Variants in PHLPP1 observed in about 807,000 individuals in gnomAD.
PHLPP1 encodes the protein PH domain and leucine rich repeat protein phosphatase 1.
Under a neutral mutation model 117.2 loss-of-function variants are expected in PHLPP1, and 42 were observed. The observed-to-expected ratio is 0.36, with a 90% CI of 0.28 to 0.46. PHLPP1 has a LOEUF of 0.46. Among genes scored for constraint, PHLPP1 ranks in the 20% least tolerant of loss-of-function variants. The pLI is 1.00. For missense variants in PHLPP1, 2,084 were observed against 2,241.9 expected, an observed-to-expected ratio of 0.93 and a Z score of 1.42; for synonymous variants, 1,042 against 970.7, an observed-to-expected ratio of 1.07 and a Z score of -1.37.
At chr18:62,783,376 C>T (rs752423695) in intron 1 of PHLPP1, among the ~76,000 whole-genome samples, 3 of 151,888 alleles carry the variant, frequency 2.0e-5, no homozygotes, top group South Asian at 2.1e-4. Context: ...TACAGGTGCC[C>T]GCCACCATGT....
rs556538255 is a variant in PHLPP1 at position 62,938,376 on chromosome 18, G to T, written c.2961-3342G>T. Among the ~76,000 whole-genome samples, 28 of 152,248 alleles carry T rather than the reference G, an allele frequency of 1.8e-4. No homozygotes were observed. In the South Asian group the frequency reaches 5.8e-3, roughly 32 times the overall value. The stretch of plus-strand genomic sequence containing the variant: ...TTGTTAACCATCCTGGAGAAACTTT[G>T]CAAAACTAAAGTATTTGTTCGTTCT... On this transcript the variant is annotated intron_variant, in intron 10 of 16. Coordinates refer to ENST00000262719, the MANE Select transcript of PHLPP1 (RefSeq NM_194449.4).
intron 4 of PHLPP1, among the ~76,000 whole-genome samples, chr18:62,882,894 G>A (rs1220747949): frequency 6.8e-6 from 1 of 148,086 alleles, no homozygotes; most frequent in Non-Finnish European, 1.5e-5. Flanking sequence ...GGATAAGGTT[G>A]ATTTTATCTA....
chr18:62,804,567 G>A (rs967356475), intron 1 of PHLPP1, among the ~76,000 whole-genome samples: 12 of 152,016 alleles, frequency 7.9e-5, no homozygotes, highest in African/African-American at 2.4e-4. Context: ...AGGCAACAGA[G>A]TGAGAAAAAG....
chr18:62,964,815 GA>G (rs1467432834), intron 14 of PHLPP1, among the ~76,000 whole-genome samples: 2 of 152,108 alleles, frequency 1.3e-5, no homozygotes, highest in East Asian at 1.9e-4. Context: ...ACACTAATGT[GA>G]AATCTAAGAT....
chr18:62,942,458 C>T (rs569010076), intron 11 of PHLPP1, among the ~76,000 whole-genome samples: 1 of 152,206 alleles, frequency 6.6e-6, no homozygotes, highest in South Asian at 2.1e-4. Flanking sequence ...CATTATCTAC[C>T]AAACTTTATA....
chr18:62,834,469 A>G (rs560335278), intron 2 of PHLPP1, among the ~76,000 whole-genome samples: 1 of 152,310 alleles, frequency 6.6e-6, no homozygotes, highest in East Asian at 1.9e-4. Flanking sequence ...ATGAAGAACT[A>G]TTCAATCCAC....
chr18:62,974,691 A>G (rs1032939058), intron 15 of PHLPP1, among the ~76,000 whole-genome samples: 5 of 152,222 alleles, frequency 3.3e-5, no homozygotes, highest in African/African-American at 9.6e-5. Context: ...TTTGATTTTC[A>G]GAATTTGCAG....
chr18:62,809,529 T>C (rs1914051437), intron 1 of PHLPP1, among the ~76,000 whole-genome samples: 1 of 152,112 alleles, frequency 6.6e-6, no homozygotes, highest in Non-Finnish European at 1.5e-5. Context: ...TGAAACCTCA[T>C]CTCTACTAAA....
At chr18:62,838,757 T>A (rs1055675297) in intron 2 of PHLPP1, 27 bp from the exon 3 acceptor site, 1 of 1,603,118 alleles carries the variant, frequency 6.2e-7, no homozygotes, top group Non-Finnish European at 8.5e-7. Context: ...CTGACTTGTT[T>A]CTGCTTCTCT....
chr18:62,765,819 C>A (rs991608631), intron 1 of PHLPP1, among the ~76,000 whole-genome samples: 2 of 151,726 alleles, frequency 1.3e-5, no homozygotes, highest in African/African-American at 4.8e-5. Flanking sequence ...CATGGTGAAA[C>A]CCCGTCTGTA....
intron 4 of PHLPP1, among the ~76,000 whole-genome samples, chr18:62,880,163 G>GC (rs1323643322): frequency 3.3e-5 from 5 of 151,804 alleles, no homozygotes; most frequent in Admixed American, 1.3e-4. Flanking sequence ...TTCAACCCTA[G>GC]CATCAGACTT....
At chr18:62,962,715 A>G (rs1910804143) in intron 13 of PHLPP1, among the ~76,000 whole-genome samples, 1 of 152,200 alleles carries the variant, frequency 6.6e-6, no homozygotes, top group South Asian at 2.1e-4. Flanking sequence ...GAGGTAAGAA[A>G]TCTCCCAGTT....
intron 9 of PHLPP1, among the ~76,000 whole-genome samples, chr18:62,915,443 C>T (rs555442884): frequency 5.3e-5 from 8 of 152,256 alleles, no homozygotes; most frequent in Admixed American, 3.3e-4. Context: ...GTCATGAAAC[C>T]TAGAAAGAGC....
intron 4 of PHLPP1, among the ~76,000 whole-genome samples, chr18:62,887,278 C>T (rs1916308854): frequency 6.6e-6 from 1 of 152,012 alleles, no homozygotes; most frequent in South Asian, 2.1e-4. Context: ...TTCTCTGGGC[C>T]TGTTTTTTTT....
intron 3 of PHLPP1, among the ~76,000 whole-genome samples, chr18:62,852,144 T>C (rs1915370650): frequency 6.6e-6 from 1 of 151,990 alleles, no homozygotes; most frequent in Non-Finnish European, 1.5e-5. Flanking sequence ...CCTCCCAAAG[T>C]GTAGAAATTA....
intron 1 of PHLPP1, among the ~76,000 whole-genome samples, chr18:62,797,651 G>A (rs554119110): frequency 4.6e-5 from 7 of 152,244 alleles, no homozygotes; most frequent in East Asian, 1.9e-4. Context: ...TTTTCTTACC[G>A]TTCTTCAACT....
chr18:62,870,799 A>G (rs1915884446), intron 4 of PHLPP1, among the ~76,000 whole-genome samples: 1 of 152,236 alleles, frequency 6.6e-6, no homozygotes, highest in Non-Finnish European at 1.5e-5. Context: ...ATCTGGAAAG[A>G]TGGCATGCTG....
intron 1 of PHLPP1, among the ~76,000 whole-genome samples, chr18:62,724,630 C>T (rs1185904347): frequency 6.6e-6 from 1 of 152,142 alleles, no homozygotes; most frequent in African/African-American, 2.4e-5. Flanking sequence ...GTAATACTTA[C>T]TGTCTTTGGT....
rs1372823904 is a variant in PHLPP1, at chr18:62,716,504, C to T, written c.821C>T (p.Pro274Leu). ...PPEAGPRLAP[P>L]EPRDSEVPPA... is the part of the protein sequence containing the mutation. Reference sequence around the variant, plus strand: ...GAGGCCGGCCCCCGGCTGGCGCCCCCGGAGCCGCGGGACTCGGAGGTACCG... The same window carrying T: ...GAGGCCGGCCCCCGGCTGGCGCCCCTGGAGCCGCGGGACTCGGAGGTACCG... The change falls in exon 1 of 17, where the codon CCG (proline) becomes CTG (leucine). Residue 274 changes from proline (P) to leucine (L), a missense_variant. By Grantham distance (98) the Pro-to-Leu change is moderately conservative (BLOSUM62 -3). Coordinates refer to ENST00000262719, the MANE Select transcript of PHLPP1 (RefSeq NM_194449.4). This position sits in a 1 kb window ranked among gnomAD's most constrained non-coding sequence, Gnocchi z 5.7. The T allele has an allele frequency of 6.7e-6, 8 of 1,201,444 alleles. No individual in the cohort carries two copies. Among genetic ancestry groups the T allele is most frequent in the African/African-American group, 1.6e-5 (1 of 62,788 alleles). 74.4% of individuals were successfully genotyped at this position (1,201,444 alleles called of 1,614,324 possible). A position where few individuals can be genotyped will look rare whatever the true frequency, so the allele number is the denominator to read the frequency against.
Sources: allele counts gnomAD v4.1 joint callset (sites outside exome capture counted in the v4.1 genomes callset), GRCh38; gene constraint gnomAD v4.1.1; non-coding constraint Gnocchi (gnomAD v3.1); transcripts MANE v1.5; gene names NCBI Gene and HGNC (gene_info 2026-07-23, HGNC 2026-07-21).